Variants in SDHB observed in about 807,000 individuals in gnomAD.
SDHB encodes succinate dehydrogenase complex iron sulfur subunit B.
SDHB carries 21 observed loss-of-function variants against 39.7 expected under a neutral mutation model. The ratio of observed to expected loss-of-function variants is 0.53; its 90% confidence interval spans 0.37 to 0.76. The LOEUF is 0.76. SDHB is among the 30% of genes least tolerant of loss of function. The probability of loss-of-function intolerance (pLI) is 0.00; values close to 1 mark genes in which losing one functional copy is unlikely to be tolerated. For synonymous variants in SDHB, 118 were observed against 117.0 expected (o/e 1.01, Z -0.06); for missense variants, 343 against 350.9 (o/e 0.98, Z 0.18).
chr1:17,023,009 T>G, intron 6 of SDHB: 1 of 406,152 alleles, frequency 2.5e-6, no homozygotes, highest in Non-Finnish European at 4.7e-6. Context: ...TATTTCACAT[T>G]GCTCAATAGC....
Position 17,054,023 on chromosome 1 carries a change from G to A in SDHB, c.-4C>T. On this transcript the variant is annotated 5_prime_UTR_variant, in exon 1 of 8. Transcript: ENST00000375499. ...AGAGGGCGACCACCGCCGCCATCTT[G>A]GCTCCTGACGTCAGCCCCACCCCTT... 1 of 1,608,514 alleles carries A rather than the reference G, an allele frequency of 6.2e-7. No homozygotes were observed. The highest frequency in any genetic ancestry group is 1.3e-5 in the African/African-American group (1 of 74,920).
intron 5 of SDHB, among the ~76,000 whole-genome samples, chr1:17,027,209 G>A (rs1011030409): frequency 5.9e-5 from 9 of 152,124 alleles, no homozygotes; most frequent in South Asian, 2.1e-4. Flanking sequence ...TGATGCCTCC[G>A]CTTTAAGATT....
At chr1:17,048,643 T>C (rs935519136) in intron 1 of SDHB, among the ~76,000 whole-genome samples, 5 of 152,162 alleles carry the variant, frequency 3.3e-5, no homozygotes, top group Non-Finnish European at 7.4e-5. Flanking sequence ...TTTTAAAAAA[T>C]GGGGCTACTT....
rs202101384 is a variant in SDHB at position 17,044,818 on chromosome 1, T to A, written c.143A>T (p.Asp48Val). The A allele has an allele frequency of 1.9e-5, 31 of 1,614,018 alleles. No homozygotes were observed. In the South Asian group the frequency reaches 2.6e-4, roughly 14 times the overall value. Reference sequence around the variant, plus strand: ...AGGTTTGTCTCCAGCCTTGTCTGGGTCCCATCGATAGATGGCAAATTTCTT... The same window carrying A: ...AGGTTTGTCTCCAGCCTTGTCTGGGACCCATCGATAGATGGCAAATTTCTT... Reference protein sequence around the residue: ...RIKKFAIYRWDPDKAGDKPHM... With the variant: ...RIKKFAIYRWVPDKAGDKPHM... The change falls in exon 2 of 8, where the codon GAC (aspartate) becomes GTC (valine). Residue 48 changes from aspartate to valine, a missense_variant. Physicochemically the swap from Asp to Val is radical, Grantham distance 152 (BLOSUM62 -3). Transcript: ENST00000375499.
chr1:17,025,410 CTTTTT>C (rs35841405), intron 5 of SDHB, among the ~76,000 whole-genome samples: 7 of 125,986 alleles, frequency 5.6e-5, no homozygotes, highest in Admixed American at 8.1e-5. Flanking sequence ...ATTATAAATT[CTTTTT>C]TTTTTTTTTT....
chr1:17,049,007 G>A (rs1030627887), intron 1 of SDHB, among the ~76,000 whole-genome samples: 1 of 151,712 alleles, frequency 6.6e-6, no homozygotes, highest in African/African-American at 2.4e-5. Context: ...CACCTTGCCC[G>A]GCCTTTATTT....
chr1:17,039,227 T>G (rs1203292249), intron 2 of SDHB, among the ~76,000 whole-genome samples: 1 of 151,940 alleles, frequency 6.6e-6, no homozygotes, highest in African/African-American at 2.4e-5. Flanking sequence ...TAAGTAAATA[T>G]TTTTAGAAAT....
intron 5 of SDHB, 166 bp downstream of exon 5, chr1:17,027,583 C>G (rs2077998101): frequency 1.5e-6 from 1 of 666,358 alleles, no homozygotes; most frequent in African/African-American, 1.8e-5. Context: ...CGGGTTCACA[C>G]TACTCACCCG....
intron 2 of SDHB, among the ~76,000 whole-genome samples, chr1:17,036,815 C>T (rs1196240978): frequency 6.7e-6 from 1 of 148,642 alleles, no homozygotes; most frequent in Non-Finnish European, 1.5e-5. Context: ...TATACACACA[C>T]ACACACACAT....
rs755367242 is a variant in SDHB at position 17,024,083 on chromosome 1, G to A, written c.541-9C>T. 4 of 1,598,024 alleles carry A rather than the reference G, an allele frequency of 2.5e-6. No homozygotes were observed. The highest frequency in any genetic ancestry group is 1.1e-5 in the South Asian group (1 of 90,766). Reference sequence around the variant, plus strand: ...CACTCGTAGAGCCCGTCCTGTATGGGGAGAAAAGAGAGGCAGGAGCTTGTG... The same window carrying A: ...CACTCGTAGAGCCCGTCCTGTATGGAGAGAAAAGAGAGGCAGGAGCTTGTG... On this transcript the variant is annotated splice_polypyrimidine_tract_variant and intron_variant, in intron 5 of 7. Transcript: ENST00000375499.
chr1:17,049,925 G>A (rs2078135926), intron 1 of SDHB, among the ~76,000 whole-genome samples: 1 of 151,996 alleles, frequency 6.6e-6, no homozygotes, highest in African/African-American at 2.4e-5. Flanking sequence ...ATTACATACA[G>A]GTGTGAGCCA....
chr1:17,033,738 A>T (rs1003320280), intron 2 of SDHB, among the ~76,000 whole-genome samples: 1 of 152,268 alleles, frequency 6.6e-6, no homozygotes, highest in African/African-American at 2.4e-5. Context: ...ACCAGCTTGC[A>T]GGCAAATGAT....
intron 1 of SDHB, among the ~76,000 whole-genome samples, chr1:17,049,647 C>CTTTTTTT (rs397835910): frequency 0.012 from 627 of 52,076 alleles, 120 homozygotes; most frequent in African/African-American, 0.027. Flanking sequence ...TCCCCTAGTT[C>CTTTTTTT]TTTTTTTTTT....
chr1:17,037,618 GGCTAATTTTTGTATTTTTAGTA>G (rs1263311056), intron 2 of SDHB, among the ~76,000 whole-genome samples: 47 of 152,126 alleles, frequency 3.1e-4, no homozygotes, highest in Non-Finnish European at 2.9e-5. Flanking sequence ...TACCATGCCT[GGCTAATTTTTGTATTTTTAGTA>G]GAGACAGGGT....
At chr1:17,027,915 C>A in intron 4 of SDHB, 50 bp from the exon 5 acceptor site, 1 of 1,100,208 alleles carries the variant, frequency 9.1e-7, no homozygotes, top group Non-Finnish European at 1.4e-6. Flanking sequence ...GGATCAGATT[C>A]CATCATCACC....
rs546307563 is a variant in SDHB, at chr1:17,035,297, C to A, written c.201-2152G>T. Among the ~76,000 whole-genome samples the A allele has an allele frequency of 7.0e-4, 106 of 152,152 alleles. 1 individual carries two copies. The highest frequency in any genetic ancestry group is 2.5e-3 in the African/African-American group (103 of 41,542). Reference sequence around the variant, plus strand: ...GATAAATACTTTACATTTTTTTCTACTTAAAAAAAATTTTAAGTTACTCCC... The same window carrying A: ...GATAAATACTTTACATTTTTTTCTAATTAAAAAAAATTTTAAGTTACTCCC... On this transcript the variant is annotated intron_variant, in intron 2 of 7. Transcript: ENST00000375499.
intron 1 of SDHB, among the ~76,000 whole-genome samples, chr1:17,053,605 G>C (rs773648492): frequency 4.2e-4 from 64 of 152,146 alleles, no homozygotes; most frequent in Non-Finnish European, 6.2e-4. Context: ...GGCAGAAAAA[G>C]GGCTTGGAAC....
intron 5 of SDHB, among the ~76,000 whole-genome samples, chr1:17,025,942 G>T (rs1248267380): frequency 6.6e-6 from 1 of 152,130 alleles, no homozygotes; most frequent in South Asian, 2.1e-4. Flanking sequence ...TTCAGATTTC[G>T]GATTTGGGGT....
At chr1:17,023,291 C>T (rs910624861) in intron 6 of SDHB, 19 of 191,784 alleles carry the variant, frequency 9.9e-5, no homozygotes, top group African/African-American at 2.8e-4. Flanking sequence ...ATCCCCAACT[C>T]GGAGCAGCTG....
Sources: gnomAD v4.1 joint callset for allele counts (sites outside exome capture counted in the v4.1 genomes callset) on GRCh38, gnomAD v4.1.1 for gene constraint, MANE v1.5 for transcripts, NCBI Gene and HGNC (gene_info 2026-07-23, HGNC 2026-07-21) for gene names.